Variants in DGKI observed in about 807,000 individuals in gnomAD.
The protein encoded by DGKI is DAG kinase iota.
DGKI carries 55 observed loss-of-function variants against 147.5 expected under a neutral mutation model. The ratio of observed to expected loss-of-function variants is 0.37; its 90% CI spans 0.30 to 0.47. The LOEUF is 0.47. Ranked by LOEUF, DGKI falls within the 20% of genes least tolerant of loss-of-function variation. DGKI has a pLI of 1.00. For missense variants in DGKI, 1,007 were observed against 1,323.8 expected (o/e 0.76, Z 3.71); for synonymous variants, 469 against 477.1 (o/e 0.98, Z 0.22).
chr7:137,643,752 A>G (rs1821733423), intron 6 of DGKI, among the ~76,000 whole-genome samples: 1 of 152,226 alleles, frequency 6.6e-6, no homozygotes, highest in African/African-American at 2.4e-5. Flanking sequence ...CCATGCCAAC[A>G]AGAGGCCAGA....
Position 137,689,593 on chromosome 7 carries a change from G to T in DGKI, c.510+301C>A, listed in dbSNP as rs530885510. ...GCACTAAGGGTAAGCTCAATTCATCGTCAACTTGGCAGAAACCAATAAAGA... is the reference window on the plus strand; with the variant it reads ...GCACTAAGGGTAAGCTCAATTCATCTTCAACTTGGCAGAAACCAATAAAGA... On this transcript the variant is annotated intron_variant, in intron 2 of 32. Transcript: ENST00000614521. 7.9e-5 allele frequency among the ~76,000 whole-genome samples: 12 copies of T among 152,182 alleles called. No homozygotes were observed. In the South Asian group the frequency reaches 8.3e-4, roughly 11 times the overall value.
At chr7:137,635,356 T>C (rs1256343318) in intron 6 of DGKI, among the ~76,000 whole-genome samples, 1 of 152,166 alleles carries the variant, frequency 6.6e-6, no homozygotes, top group Non-Finnish European at 1.5e-5. Context: ...AACAACCAGC[T>C]ACTTTGAGGC....
At chr7:137,451,304 T>C (rs1243192280) in intron 27 of DGKI, among the ~76,000 whole-genome samples, 1 of 152,196 alleles carries the variant, frequency 6.6e-6, no homozygotes, top group East Asian at 1.9e-4. Context: ...TGAATCATTT[T>C]ATTAGATTAA....
intron 8 of DGKI, among the ~76,000 whole-genome samples, chr7:137,611,854 G>A (rs193029952): frequency 1.3e-3 from 200 of 152,262 alleles, no homozygotes; most frequent in Non-Finnish European, 2.2e-3. Context: ...AGCATTTACT[G>A]AGCCTCTCCT....
intron 1 of DGKI, among the ~76,000 whole-genome samples, chr7:137,793,231 A>G (rs1308179080): frequency 6.6e-6 from 1 of 152,048 alleles, no homozygotes; most frequent in African/African-American, 2.4e-5. Context: ...TAGATAACGA[A>G]AAAAAGCCCT....
chr7:137,681,430 G>A (rs1029183536), intron 2 of DGKI, among the ~76,000 whole-genome samples: 5 of 152,298 alleles, frequency 3.3e-5, no homozygotes, highest in Non-Finnish European at 5.9e-5. Flanking sequence ...GCACTTCTTC[G>A]CAAGGTATCC....
At position 137,730,592 on chromosome 7, in the gene DGKI, G is replaced by A. The variant is rs7803176; in HGVS notation, c.402-40590C>T. On this transcript the variant is annotated intron_variant, in intron 1 of 32. Transcript: ENST00000614521. ...AAGGCCTCTCCCTCATTTTTGAAAC[G>A]TATTTTATGAGTTTACTCAGGTATC... 8.9e-3 allele frequency among the ~76,000 whole-genome samples: 1,351 copies of A among 152,030 alleles called. 18 individuals carry two copies. The highest frequency in any genetic ancestry group is 0.031 in the African/African-American group (1,278 of 41,468).
At chr7:137,641,717 T>C (rs542577530) in intron 6 of DGKI, among the ~76,000 whole-genome samples, 2 of 152,352 alleles carry the variant, frequency 1.3e-5, no homozygotes, top group African/African-American at 2.4e-5. Flanking sequence ...TCAATGTGTA[T>C]ACTGCATTTA....
At chr7:137,675,215 G>T (rs270900) in intron 3 of DGKI, among the ~76,000 whole-genome samples, 58,862 of 151,960 alleles carry the variant, frequency 0.39, 11,881 homozygotes, top group African/African-American at 0.49. Flanking sequence ...CAGCATCCTT[G>T]AAACATGGCC....
At chr7:137,678,849 G>A (rs1467674679) in intron 2 of DGKI, among the ~76,000 whole-genome samples, 197 bp from the exon 3 acceptor site, 1 of 152,162 alleles carries the variant, frequency 6.6e-6, no homozygotes, top group Admixed American at 6.5e-5. Flanking sequence ...GAAAAACTTT[G>A]AGCTATAACT....
At chr7:137,749,238 TCTGTTTCTTTAATTGAAAAA>T in intron 1 of DGKI, among the ~76,000 whole-genome samples, 1 of 152,308 alleles carries the variant, frequency 6.6e-6, no homozygotes, top group East Asian at 1.9e-4. Context: ...AGCTGCTGTT[TCTGTTTCTTTAATTGAAAAA>T]GGCAAGGGCA....
At chr7:137,602,877 T>C (rs1422136288) in intron 10 of DGKI, among the ~76,000 whole-genome samples, 1 of 151,064 alleles carries the variant, frequency 6.6e-6, no homozygotes, top group Non-Finnish European at 1.5e-5. Flanking sequence ...TGTGCAAGAG[T>C]CTAATTTTCT....
intron 1 of DGKI, among the ~76,000 whole-genome samples, chr7:137,821,882 T>A (rs990637961): frequency 5.3e-5 from 8 of 152,158 alleles, no homozygotes; most frequent in African/African-American, 1.9e-4. Context: ...GGTGAGGGTG[T>A]GAGGAGGAGC....
chr7:137,750,181 A>C (rs1223379183), intron 1 of DGKI, among the ~76,000 whole-genome samples: 1 of 152,208 alleles, frequency 6.6e-6, no homozygotes, highest in Non-Finnish European at 1.5e-5. Context: ...GTCGTAGAGG[A>C]GCCAGGGTGA....
chr7:137,571,995 G>T (rs1359035238), intron 18 of DGKI, among the ~76,000 whole-genome samples: 4 of 152,164 alleles, frequency 2.6e-5, no homozygotes, highest in African/African-American at 9.7e-5. Flanking sequence ...GAATAAAATT[G>T]TAACTGACTA....
rs1053339899 is a variant in DGKI at position 137,462,248 on chromosome 7, T to G, written c.2735+1241A>C. On this transcript the variant is annotated intron_variant, in intron 27 of 32. Coordinates refer to ENST00000614521, the MANE Select transcript of DGKI (RefSeq NM_001321708.2). ...GTCTGCCAACAGATAAATGGCCACT[T>G]TTTTAGCCATTCGTGGGTGGCTGAC... Among the ~76,000 whole-genome samples the G allele has an allele frequency of 4.6e-5, 7 of 152,324 alleles. No homozygotes were observed. In the South Asian group the frequency reaches 1.4e-3, roughly 32 times the overall value.
At chr7:137,462,111 T>TAC (rs1814468185) in intron 27 of DGKI, among the ~76,000 whole-genome samples, 1 of 151,856 alleles carries the variant, frequency 6.6e-6, no homozygotes, top group African/African-American at 2.4e-5. Flanking sequence ...TATATATATA[T>TAC]ACAACTAAAA....
intron 29 of DGKI, among the ~76,000 whole-genome samples, chr7:137,408,309 G>A (rs989713416): frequency 3.9e-5 from 6 of 152,160 alleles, no homozygotes; most frequent in Non-Finnish European, 5.9e-5. Context: ...GGAGTAGTGA[G>A]GGGTGGAGTG....
At chr7:137,636,956 T>C (rs1353059251) in intron 6 of DGKI, among the ~76,000 whole-genome samples, 1 of 152,230 alleles carries the variant, frequency 6.6e-6, no homozygotes, top group Non-Finnish European at 1.5e-5. Context: ...ATGCTTCTTG[T>C]ACAGCCTGCA....
Sources: allele counts gnomAD v4.1 joint callset (sites outside exome capture counted in the v4.1 genomes callset), GRCh38; gene constraint gnomAD v4.1.1; transcripts MANE v1.5; gene names NCBI Gene and HGNC (gene_info 2026-07-23, HGNC 2026-07-21).